Variants in WDR33 observed in about 807,000 individuals in gnomAD.
WDR33 encodes WD repeat domain 33.
A neutral mutation model predicts 164.9 loss-of-function variants in WDR33; 47 were observed. The ratio of observed to expected loss-of-function variants is 0.29; its 90% CI spans 0.23 to 0.36. The LOEUF is 0.36. Ranked by LOEUF, WDR33 falls within the 10% of genes least tolerant of loss-of-function variation. The pLI is 1.00. For synonymous variants in WDR33, 505 were observed against 589.0 expected, an observed-to-expected ratio of 0.86 and a Z score of 2.06; for missense variants, 1,137 against 1,754.1, an observed-to-expected ratio of 0.65 and a Z score of 6.28.
At position 127,764,603 on chromosome 2, in the gene WDR33, A is replaced by T; in HGVS notation, c.626+225T>A. On this transcript the variant is annotated intron_variant, in intron 6 of 21. Coordinates refer to ENST00000322313, the MANE Select transcript of WDR33 (RefSeq NM_018383.5). This position sits in a 1 kb window ranked among gnomAD's most constrained non-coding sequence, Gnocchi z 6.2. ...ACCAGTGCAAAATGCGGCAGACAGT[A>T]CATCTCTAACATATTGCAAAGGCTG... 1 of 1,552,778 alleles carries T rather than the reference A, an allele frequency of 6.4e-7. No homozygotes were observed. The highest frequency in any genetic ancestry group is 2.4e-5 in the East Asian group (1 of 40,934).
intron 1 of WDR33, among the ~76,000 whole-genome samples, chr2:127,792,306 C>G (rs1381171007): frequency 1.3e-5 from 2 of 151,966 alleles, no homozygotes; most frequent in African/African-American, 2.4e-5. Flanking sequence ...CACTGCCTTA[C>G]AGAATTAAGT....
intron 1 of WDR33, among the ~76,000 whole-genome samples, chr2:127,790,632 C>T (rs1462191985): frequency 6.6e-6 from 1 of 151,954 alleles, no homozygotes; most frequent in African/African-American, 2.4e-5. Context: ...TTTTTGAAAC[C>T]AGGTCTCACT....
intron 1 of WDR33, among the ~76,000 whole-genome samples, chr2:127,807,191 G>A (rs1160349236): frequency 6.6e-6 from 1 of 151,942 alleles, no homozygotes; most frequent in South Asian, 2.1e-4. Flanking sequence ...TATTTAGTAG[G>A]GATGGGGTTT....
chr2:127,765,782 G>A (rs567897519), intron 4 of WDR33, among the ~76,000 whole-genome samples: 2 of 149,026 alleles, frequency 1.3e-5, no homozygotes, highest in East Asian at 3.9e-4. Context: ...TCTTCCTGCA[G>A]CTAAACATAT....
rs1685915470 is a variant in WDR33 at position 127,702,385 on chromosome 2, C to T, written c.*3938G>A. The T allele has an allele frequency of 5.7e-6, 2 of 350,016 alleles. No individual in the cohort carries two copies. The highest frequency in any genetic ancestry group is 5.1e-5 in the Admixed American group (1 of 19,776). 21.7% of individuals were successfully genotyped at this position (350,016 alleles called of 1,614,324 possible). A position where few individuals can be genotyped will look rare whatever the true frequency, so the allele number is the denominator to read the frequency against. ...CTCGATGTCAGCTTTTTGTGCTGGACTTGGCACACGCTCTGAAAACTGAGA... is the reference window on the plus strand; with the variant it reads ...CTCGATGTCAGCTTTTTGTGCTGGATTTGGCACACGCTCTGAAAACTGAGA... On this transcript the variant is annotated 3_prime_UTR_variant, in exon 22 of 22. Transcript: ENST00000322313.
chr2:127,780,105 C>G (rs1243649867), intron 1 of WDR33, among the ~76,000 whole-genome samples: 1 of 151,900 alleles, frequency 6.6e-6, no homozygotes, highest in Admixed American at 6.6e-5. Context: ...TCTCGAGTAG[C>G]TGGGAATACA....
rs1686064370 is a variant in WDR33 at position 127,708,183 on chromosome 2, G to T, written c.3781+494C>A. The stretch of plus-strand genomic sequence containing the variant: ...GCTGCCTATAACATAAAGCTCCACA[G>T]TTCCCAGTTGAGGAGATAATCTACT... On this transcript the variant is annotated intron_variant, in intron 21 of 21. Transcript: ENST00000322313. The surrounding 1 kb of genome is among the most constrained non-coding windows in gnomAD (Gnocchi z 6.7). 6.6e-6 allele frequency among the ~76,000 whole-genome samples: 1 copy of T among 152,178 alleles called. No individual in the cohort carries two copies. Among genetic ancestry groups the T allele is most frequent in the African/African-American group, 2.4e-5 (1 of 41,434 alleles).
At chr2:127,774,653 C>T (rs898729129) in intron 1 of WDR33, among the ~76,000 whole-genome samples, 1 of 151,988 alleles carries the variant, frequency 6.6e-6, no homozygotes, top group African/African-American at 2.4e-5. Context: ...CATGGTGAAA[C>T]CCCGTCTCTA....
chr2:127,806,870 G>A (rs1689458506), intron 1 of WDR33, among the ~76,000 whole-genome samples: 1 of 152,170 alleles, frequency 6.6e-6, no homozygotes, highest in Non-Finnish European at 1.5e-5. Context: ...CAGTATATCT[G>A]CAATTTAATT....
intron 7 of WDR33, among the ~76,000 whole-genome samples, chr2:127,762,198 G>A (rs1306225409): frequency 6.6e-6 from 1 of 152,110 alleles, no homozygotes; most frequent in Non-Finnish European, 1.5e-5. Flanking sequence ...GTGGCATCCT[G>A]GAATCAAGGG....
chr2:127,787,486 G>C (rs866048112), intron 1 of WDR33, among the ~76,000 whole-genome samples: 1 of 137,322 alleles, frequency 7.3e-6, no homozygotes, highest in South Asian at 2.3e-4. Flanking sequence ...CGGGCGGGGG[G>C]CTGACCCCCC....
In WDR33 at chr2:127,709,417, CCA is replaced by C; in HGVS notation, c.3565+71_3565+72del. 1 of 1,476,650 alleles carries C rather than the reference CCA, an allele frequency of 6.8e-7. No individual in the cohort carries two copies. The highest frequency in any genetic ancestry group is 9.4e-7 in the Non-Finnish European group (1 of 1,058,814). The allele number at this position is 1,476,650 out of a possible 1,614,324, so 91.5% of individuals were successfully genotyped here. A position where few individuals can be genotyped will look rare whatever the true frequency, so the allele number is the denominator to read the frequency against. Reference sequence around the variant, plus strand: ...CTGGAAAGAGGAGACCCGGTGCACCCCAGAGAGGGCCCTCAGAACTCACTTTG... The same window carrying C: ...CTGGAAAGAGGAGACCCGGTGCACCCGAGAGGGCCCTCAGAACTCACTTTG... On this transcript the variant is annotated intron_variant, in intron 20 of 21. Coordinates refer to ENST00000322313, the MANE Select transcript of WDR33 (RefSeq NM_018383.5). This position sits in a 1 kb window ranked among gnomAD's most constrained non-coding sequence, Gnocchi z 5.0.
At chr2:127,779,714 T>C (rs757756909) in intron 1 of WDR33, among the ~76,000 whole-genome samples, 1 of 152,144 alleles carries the variant, frequency 6.6e-6, no homozygotes, top group Non-Finnish European at 1.5e-5. Flanking sequence ...TGCATATCCA[T>C]AGCCAAAGAA....
intron 1 of WDR33, among the ~76,000 whole-genome samples, chr2:127,803,590 A>C (rs1689327482): frequency 6.6e-6 from 1 of 152,028 alleles, no homozygotes; most frequent in Non-Finnish European, 1.5e-5. Flanking sequence ...ATAAAATACC[A>C]ATGTAAGCTG....
At position 127,713,194 on chromosome 2, in the gene WDR33, C is replaced by T. The variant is rs1048968477; in HGVS notation, c.3308+389G>A. On this transcript the variant is annotated intron_variant, in intron 18 of 21. Coordinates refer to ENST00000322313, the MANE Select transcript of WDR33 (RefSeq NM_018383.5). The surrounding 1 kb of genome is among the most constrained non-coding windows in gnomAD (Gnocchi z 6.2). ...GTTTGTTAAGATTATTGGGCAATTACACAAAAATTGTATCTATTTCACAAC... is the reference window on the plus strand; with the variant it reads ...GTTTGTTAAGATTATTGGGCAATTATACAAAAATTGTATCTATTTCACAAC... 5.3e-5 allele frequency among the ~76,000 whole-genome samples: 8 copies of T among 152,272 alleles called. No individual in the cohort carries two copies. The highest frequency in any genetic ancestry group is 2.1e-4 in the South Asian group (1 of 4,828).
chr2:127,774,055 T>TC (rs1688100934), intron 1 of WDR33, among the ~76,000 whole-genome samples: 1 of 143,676 alleles, frequency 7.0e-6, no homozygotes, highest in Non-Finnish European at 1.5e-5. Context: ...AGCCTTTTTT[T>TC]TTTTTTTTTT....
At position 127,704,360 on chromosome 2, in the gene WDR33, T is replaced by TA. The variant is rs1481559661; in HGVS notation, c.*1962dup. ...TGATCTGGTTATCTGCTTACTGAGA[T>TA]ACTATGTTTCTAAAGTTAAAGCCCA... is the stretch of plus-strand genomic sequence containing the variant. On this transcript the variant is annotated 3_prime_UTR_variant, in exon 22 of 22. Coordinates refer to ENST00000322313, the MANE Select transcript of WDR33 (RefSeq NM_018383.5). The TA allele has an allele frequency of 2.4e-5, 4 of 167,040 alleles. No individual in the cohort carries two copies. Among genetic ancestry groups the TA allele is most frequent in the Admixed American group, 1.3e-4 (2 of 15,270 alleles). The allele number at this position is 167,040 out of a possible 1,614,324, so 10.3% of individuals were successfully genotyped here.
intron 1 of WDR33, among the ~76,000 whole-genome samples, chr2:127,810,477 G>T (rs777630654): frequency 1.5e-4 from 23 of 152,114 alleles, no homozygotes; most frequent in Admixed American, 6.5e-5. Context: ...CAGAAACAGG[G>T]ATCTAGCACA....
At chr2:127,734,246 A>C (rs1026709943) in intron 7 of WDR33, among the ~76,000 whole-genome samples, 4 of 152,232 alleles carry the variant, frequency 2.6e-5, no homozygotes, top group African/African-American at 9.6e-5. Flanking sequence ...ACTCCACCAA[A>C]AGAAATTCCA....
Sources: gnomAD v4.1 joint callset for allele counts (sites outside exome capture counted in the v4.1 genomes callset) on GRCh38, gnomAD v4.1.1 for gene constraint, Gnocchi (gnomAD v3.1) non-coding constraint, MANE v1.5 for transcripts, NCBI Gene and HGNC (gene_info 2026-07-23, HGNC 2026-07-21) for gene names.